Variants in LARS2 observed in about 807,000 individuals in gnomAD.
The protein encoded by LARS2 is leucine--tRNA ligase, mitochondrial.
LARS2 carries 81 observed loss-of-function variants against 116.6 expected under a neutral mutation model. That is an observed-to-expected ratio of 0.69 (90% confidence interval 0.58 to 0.84). LARS2 has a LOEUF of 0.84. Among genes scored for constraint, LARS2 ranks in the 40% least tolerant of loss-of-function variants. The pLI is 0.00. For missense variants in LARS2, 968 were observed against 1,114.5 expected (o/e 0.87, Z 1.87); for synonymous variants, 396 against 407.2 (o/e 0.97, Z 0.33).
At position 45,415,887 on chromosome 3, in the gene LARS2, AGAGAGG is replaced by A. The variant is rs1217730012; in HGVS notation, c.364-1589_364-1584del. On this transcript the variant is annotated intron_variant, in intron 4 of 21. Transcript: ENST00000645846. ...TATATATATATATATAGAGAGAGAGAGAGAGGGAGAGAGAGAGAGAGAGAGAGAGAG... is the reference window on the plus strand; with the variant it reads ...TATATATATATATATAGAGAGAGAGAGAGAGAGAGAGAGAGAGAGAGAGAG... Among the ~76,000 whole-genome samples, 29 of 89,556 alleles carry A rather than the reference AGAGAGG, an allele frequency of 3.2e-4. 1 individual carries two copies. Among genetic ancestry groups the A allele is most frequent in the African/African-American group, 1.9e-3 (18 of 9,462 alleles). The allele number at this position is 89,556 out of a possible 152,430, so 58.8% of individuals were successfully genotyped here. A position where few individuals can be genotyped will look rare whatever the true frequency, so the allele number is the denominator to read the frequency against.
chr3:45,407,546 G>C (rs932405539), intron 4 of LARS2, among the ~76,000 whole-genome samples: 2 of 152,120 alleles, frequency 1.3e-5, no homozygotes, highest in Non-Finnish European at 2.9e-5. Flanking sequence ...GTATTCACTT[G>C]ATTTTTATCC....
chr3:45,432,176 T>C (rs74558829), intron 6 of LARS2, among the ~76,000 whole-genome samples: 3,111 of 152,264 alleles, frequency 0.02, 75 homozygotes, highest in African/African-American at 0.067. Context: ...ATGGACAGAA[T>C]TGAAGAGAGA....
At chr3:45,476,081 A>C (rs1699604062) in intron 9 of LARS2, among the ~76,000 whole-genome samples, 1 of 127,430 alleles carries the variant, frequency 7.8e-6, no homozygotes, top group Non-Finnish European at 1.7e-5. Flanking sequence ...TTTTTTTTTT[A>C]CCGTACCCTT....
At chr3:45,441,401 T>C (rs1413375471) in intron 6 of LARS2, among the ~76,000 whole-genome samples, 3 of 152,214 alleles carry the variant, frequency 2.0e-5, no homozygotes, top group African/African-American at 7.2e-5. Context: ...TTGCACACAA[T>C]TGCCTTTTAA....
intron 6 of LARS2, among the ~76,000 whole-genome samples, chr3:45,430,262 G>A (rs1192108278): frequency 3.6e-5 from 5 of 139,096 alleles, no homozygotes; most frequent in Admixed American, 1.5e-4. Flanking sequence ...GTGAGCCACC[G>A]CACCCGGCCA....
chr3:45,400,670 A>T (rs1436905753), intron 4 of LARS2, among the ~76,000 whole-genome samples: 3 of 152,178 alleles, frequency 2.0e-5, no homozygotes, highest in Non-Finnish European at 4.4e-5. Context: ...CCCAGGAGAT[A>T]CTCACCCATG....
At chr3:45,459,555 C>G (rs1559476162) in intron 8 of LARS2, among the ~76,000 whole-genome samples, 1 of 152,172 alleles carries the variant, frequency 6.6e-6, no homozygotes. Context: ...CTAGCTCTTT[C>G]CGTGTTCAGA....
chr3:45,458,069 G>A (rs995276992), intron 7 of LARS2, among the ~76,000 whole-genome samples: 1 of 152,078 alleles, frequency 6.6e-6, no homozygotes, highest in African/African-American at 2.4e-5. Flanking sequence ...AAAATGTATC[G>A]AGTTGTACAC....
intron 19 of LARS2, 111 bp from the exon 20 acceptor site, chr3:45,523,886 G>A: frequency 1.4e-6 from 1 of 715,566 alleles, no homozygotes; most frequent in African/African-American, 1.8e-5. Context: ...ATGGCAAAGG[G>A]GGTTTCTTCC....
chr3:45,391,223 C>T (rs1430799559), intron 1 of LARS2, among the ~76,000 whole-genome samples: 2 of 151,954 alleles, frequency 1.3e-5, no homozygotes, highest in South Asian at 4.2e-4. Context: ...CGGTGGTTCA[C>T]GCCTGTAATC....
rs114394913 is a variant in LARS2 at position 45,530,808 on chromosome 3, C to A, written c.2404+6700C>A. On this transcript the variant is annotated intron_variant, in intron 20 of 21. Coordinates refer to ENST00000645846, the MANE Select transcript of LARS2 (RefSeq NM_015340.4). ...TTTTACAGACAGTTTTAACACCTGGCAGACTAGCCTTTCTTCATTTCTTTT... is the reference window on the plus strand; with the variant it reads ...TTTTACAGACAGTTTTAACACCTGGAAGACTAGCCTTTCTTCATTTCTTTT... Among the ~76,000 whole-genome samples, 277 of 152,310 alleles carry A rather than the reference C, an allele frequency of 1.8e-3. 3 individuals carry two copies. Among genetic ancestry groups the A allele is most frequent in the African/African-American group, 6.4e-3 (266 of 41,572 alleles).
chr3:45,477,314 G>A (rs1337951366), intron 10 of LARS2, among the ~76,000 whole-genome samples: 6 of 152,208 alleles, frequency 3.9e-5, no homozygotes, highest in African/African-American at 7.2e-5. Flanking sequence ...GAGGCAGTCC[G>A]AAGGGGGACT....
At chr3:45,519,305 C>G (rs1575309737) in intron 18 of LARS2, among the ~76,000 whole-genome samples, 1 of 151,792 alleles carries the variant, frequency 6.6e-6, no homozygotes, top group Non-Finnish European at 1.5e-5. Flanking sequence ...TCCTGGCTAA[C>G]ATGGTGAAAC....
At chr3:45,433,974 T>G (rs1698762379) in intron 6 of LARS2, among the ~76,000 whole-genome samples, 1 of 152,200 alleles carries the variant, frequency 6.6e-6, no homozygotes, top group South Asian at 2.1e-4. Flanking sequence ...ATTTTCTTCC[T>G]GTAGGTAATG....
chr3:45,497,959 C>T (rs1011757657), intron 14 of LARS2, among the ~76,000 whole-genome samples: 1 of 152,022 alleles, frequency 6.6e-6, no homozygotes, highest in African/African-American at 2.4e-5. Context: ...TGAAAGACAC[C>T]CTGCAAAGGC....
intron 16 of LARS2, 119 bp downstream of exon 16, chr3:45,513,354 G>T: frequency 1.4e-6 from 1 of 715,478 alleles, no homozygotes; most frequent in South Asian, 1.6e-5. Flanking sequence ...AGAGAGACCC[G>T]CTGGCTGTGA....
intron 4 of LARS2, among the ~76,000 whole-genome samples, chr3:45,410,308 C>CTT (rs35327145): frequency 7.4e-6 from 1 of 135,772 alleles, no homozygotes; most frequent in East Asian, 2.3e-4. Flanking sequence ...GCATTGGATT[C>CTT]TTTTTTTTTT....
At chr3:45,507,731 C>T (rs1358817887) in intron 15 of LARS2, among the ~76,000 whole-genome samples, 1 of 152,012 alleles carries the variant, frequency 6.6e-6, no homozygotes. Flanking sequence ...CACATATATA[C>T]ACATACTCAA....
chr3:45,464,067 G>T (rs1699381350), intron 8 of LARS2, among the ~76,000 whole-genome samples: 1 of 152,168 alleles, frequency 6.6e-6, no homozygotes. Flanking sequence ...GGCACTGGAG[G>T]TAATAAGCGC....
Sources: gnomAD v4.1 joint callset for allele counts (sites outside exome capture counted in the v4.1 genomes callset) on GRCh38, gnomAD v4.1.1 for gene constraint, MANE v1.5 for transcripts, NCBI Gene and HGNC (gene_info 2026-07-23, HGNC 2026-07-21) for gene names.